ADGRB3: variants seen among roughly 807,000 people sequenced by gnomAD.
ADGRB3 encodes adhesion G protein-coupled receptor B3.
Under a neutral mutation model 193.4 loss-of-function variants are expected in ADGRB3, and 37 were observed. That is an observed-to-expected ratio of 0.19 (90% CI 0.15 to 0.25). The LOEUF (loss-of-function observed/expected upper bound fraction) is 0.25, where lower values mean the gene tolerates loss of function less well. Ranked by LOEUF, ADGRB3 falls within the 10% of genes least tolerant of loss-of-function variation. The probability of loss-of-function intolerance (pLI) is 1.00; values close to 1 mark genes in which losing one functional copy is unlikely to be tolerated. For missense variants in ADGRB3, 1,637 were observed against 1,852.9 expected (o/e 0.88, Z 2.14); for synonymous variants, 690 against 644.2 (o/e 1.07, Z -1.08).
intron 17 of ADGRB3, among the ~76,000 whole-genome samples, chr6:69,154,162 A>AT (rs11419993): frequency 0.95 from 144,160 of 152,218 alleles, 68,777 homozygotes; most frequent in East Asian, 1. Flanking sequence ...CCACAATTTC[A>AT]GCTTATATAT....
At chr6:69,202,112 A>C (rs1765438822) in intron 17 of ADGRB3, among the ~76,000 whole-genome samples, 1 of 152,144 alleles carries the variant, frequency 6.6e-6, no homozygotes, top group African/African-American at 2.4e-5. Flanking sequence ...AGTCACTCTT[A>C]TCTTGAAGAT....
At chr6:68,709,020 T>A (rs560994100) in intron 3 of ADGRB3, among the ~76,000 whole-genome samples, 1 of 152,274 alleles carries the variant, frequency 6.6e-6, no homozygotes, top group African/African-American at 2.4e-5. Context: ...TTAGTAAGGA[T>A]TTGTTTAAAA....
intron 20 of ADGRB3, among the ~76,000 whole-genome samples, chr6:69,306,693 C>T (rs905541004): frequency 5.3e-5 from 8 of 151,468 alleles, no homozygotes; most frequent in African/African-American, 1.7e-4. Flanking sequence ...ACAGTGACCA[C>T]AATAATGGCA....
At chr6:69,303,153 A>G (rs1446508785) in intron 20 of ADGRB3, among the ~76,000 whole-genome samples, 1 of 151,980 alleles carries the variant, frequency 6.6e-6, no homozygotes, top group Non-Finnish European at 1.5e-5. Context: ...AAAACTTGGC[A>G]GAAAGTTTCG....
intron 13 of ADGRB3, among the ~76,000 whole-genome samples, chr6:69,038,922 T>C (rs920947532): frequency 5.9e-5 from 9 of 152,314 alleles, no homozygotes; most frequent in Middle Eastern, 6.8e-3. Context: ...ATGAAAATAT[T>C]CCAGAAATAA....
intron 30 of ADGRB3, among the ~76,000 whole-genome samples, chr6:69,381,268 C>T (rs187335163): frequency 5.3e-5 from 8 of 151,970 alleles, no homozygotes; most frequent in Non-Finnish European, 1.2e-4. Context: ...CCTGCAAATC[C>T]GTTTTGTATA....
chr6:69,252,858 C>T (rs1478431471), intron 20 of ADGRB3, among the ~76,000 whole-genome samples: 2 of 152,026 alleles, frequency 1.3e-5, no homozygotes, highest in Non-Finnish European at 2.9e-5. Context: ...CTTCATTACT[C>T]CTCTAGGTCA....
intron 20 of ADGRB3, among the ~76,000 whole-genome samples, chr6:69,262,537 G>C (rs1306493073): frequency 6.6e-6 from 1 of 151,654 alleles, no homozygotes; most frequent in Non-Finnish European, 1.5e-5. Flanking sequence ...ATCATTTATT[G>C]GCAATTTCTC....
intron 17 of ADGRB3, among the ~76,000 whole-genome samples, chr6:69,112,565 C>G (rs728083): frequency 0.22 from 33,291 of 152,008 alleles, 3,884 homozygotes; most frequent in Middle Eastern, 0.26. Context: ...TTATACCTAT[C>G]TATATAGCTA....
intron 3 of ADGRB3, among the ~76,000 whole-genome samples, chr6:68,787,744 TGTACCTCTG>T (rs939817337): frequency 6.0e-4 from 92 of 152,352 alleles, no homozygotes; most frequent in Admixed American, 8.5e-4. Flanking sequence ...AGCTCCTATT[TGTACCTCTG>T]GTAGAAATCG....
intron 24 of ADGRB3, among the ~76,000 whole-genome samples, chr6:69,336,952 C>T (rs1174908362): frequency 6.6e-6 from 1 of 152,130 alleles, no homozygotes; most frequent in African/African-American, 2.4e-5. Context: ...TACCAGTTAA[C>T]ATCAAGCATA....
chr6:69,049,741 A>C (rs974798581), intron 15 of ADGRB3, among the ~76,000 whole-genome samples: 1 of 152,160 alleles, frequency 6.6e-6, no homozygotes, highest in Non-Finnish European at 1.5e-5. Flanking sequence ...TGTCATGATG[A>C]CTGGGAAAAC....
At chr6:69,212,086 A>G (rs537685541) in intron 17 of ADGRB3, among the ~76,000 whole-genome samples, 41 of 152,322 alleles carry the variant, frequency 2.7e-4, no homozygotes, top group Non-Finnish European at 8.8e-5. Context: ...CAAGAACATA[A>G]TTAATTTTCA....
In ADGRB3 at chr6:69,049,294, G is replaced by T. The variant is rs1771326175; in HGVS notation, c.2281G>T (p.Val761Phe). ...AGAATTAGATGAATCATCTGTATTT[G>T]TTCTTGGCGCAGTCCTATACAAAAA... The part of the protein sequence containing the change: ...SKELDESSVF[V>F]LGAVLYKNLD... Residue 761 changes from valine (V) to phenylalanine (F), a missense_variant, in exon 15 of 32, where the codon GTT becomes TTT. Val to Phe is a conservative substitution (Grantham distance 50). Coordinates refer to ENST00000370598, the MANE Select transcript of ADGRB3 (RefSeq NM_001704.3). 15 of 1,607,708 alleles carry T rather than the reference G, an allele frequency of 9.3e-6. No individual in the cohort carries two copies. Among genetic ancestry groups the T allele is most frequent in the Non-Finnish European group, 1.3e-5 (15 of 1,176,370 alleles).
chr6:69,226,802 T>C (rs967039244), intron 17 of ADGRB3, among the ~76,000 whole-genome samples: 1 of 152,246 alleles, frequency 6.6e-6, no homozygotes, highest in Non-Finnish European at 1.5e-5. Context: ...CTAACATGTC[T>C]AGTGGCTGGT....
chr6:69,183,815 T>A (rs1400304275), intron 17 of ADGRB3, among the ~76,000 whole-genome samples: 2 of 152,130 alleles, frequency 1.3e-5, no homozygotes, highest in Non-Finnish European at 2.9e-5. Context: ...TTCATTGACA[T>A]GAACAAACTC....
intron 3 of ADGRB3, among the ~76,000 whole-genome samples, chr6:68,656,089 T>C (rs935472872): frequency 2.6e-5 from 4 of 151,642 alleles, no homozygotes; most frequent in African/African-American, 9.7e-5. Flanking sequence ...TTGAAAAATA[T>C]CTTGCTTGCT....
intron 3 of ADGRB3, among the ~76,000 whole-genome samples, chr6:68,648,433 A>G (rs1161026266): frequency 6.6e-6 from 1 of 151,222 alleles, no homozygotes; most frequent in Admixed American, 6.6e-5. Flanking sequence ...AATTATTTCT[A>G]CTAAAAAACA....
In ADGRB3 at chr6:69,013,967, C is replaced by G; in HGVS notation, c.1930-71C>G. 3 of 1,036,892 alleles carry G rather than the reference C, an allele frequency of 2.9e-6. No individual in the cohort carries two copies. The South Asian group carries it at 4.9e-5, about 17-fold the overall frequency. The allele number at this position is 1,036,892 out of a possible 1,614,324, so 64.2% of individuals were successfully genotyped here. A position where few individuals can be genotyped will look rare whatever the true frequency, so the allele number is the denominator to read the frequency against. The stretch of plus-strand genomic sequence containing the variant: ...CTTATACCTTTACCACGTAGTCAAC[C>G]CAAATGGGTGTTATTAAAAAGTATA... On this transcript the variant is annotated intron_variant, in intron 11 of 31. Coordinates refer to ENST00000370598, the MANE Select transcript of ADGRB3 (RefSeq NM_001704.3).
Sources: allele counts gnomAD v4.1 joint callset (sites outside exome capture counted in the v4.1 genomes callset), GRCh38; gene constraint gnomAD v4.1.1; transcripts MANE v1.5; gene names NCBI Gene and HGNC (gene_info 2026-07-23, HGNC 2026-07-21).